SHROOM3: variants seen among roughly 807,000 people sequenced by gnomAD.
The protein encoded by SHROOM3 is shroom family member 3, also known as protein Shroom3.
SHROOM3 carries 47 observed loss-of-function variants against 138.6 expected under a neutral mutation model. That is an observed-to-expected ratio of 0.34 (90% CI 0.27 to 0.43). SHROOM3 has a LOEUF of 0.43. Among genes scored for constraint, SHROOM3 ranks in the 20% least tolerant of loss-of-function variants. The pLI is 1.00. For synonymous variants in SHROOM3, 1,062 were observed against 1,063.3 expected, an observed-to-expected ratio of 1.00 and a Z score of 0.02; for missense variants, 2,491 against 2,596.5, an observed-to-expected ratio of 0.96 and a Z score of 0.88.
At chr4:76,463,414 A>G (rs1270798864) in intron 1 of SHROOM3, among the ~76,000 whole-genome samples, 2 of 152,250 alleles carry the variant, frequency 1.3e-5, no homozygotes, top group African/African-American at 4.8e-5. Flanking sequence ...ATGGTCTGAA[A>G]TTAGAACTTA....
At chr4:76,576,470 CAG>C (rs1157610964) in intron 2 of SHROOM3, among the ~76,000 whole-genome samples, 2 of 151,968 alleles carry the variant, frequency 1.3e-5, no homozygotes, top group Admixed American at 6.6e-5. Flanking sequence ...CTCATGGACA[CAG>C]AGAGTAGAAG....
intron 4 of SHROOM3, among the ~76,000 whole-genome samples, chr4:76,734,333 G>A (rs1362835374): frequency 6.6e-6 from 1 of 152,072 alleles, no homozygotes; most frequent in African/African-American, 2.4e-5. Flanking sequence ...AATGGTTTGG[G>A]AGAACAATAG....
At chr4:76,746,638 AT>A (rs1377775278) in intron 5 of SHROOM3, among the ~76,000 whole-genome samples, 1 of 152,092 alleles carries the variant, frequency 6.6e-6, no homozygotes, top group East Asian at 1.9e-4. Context: ...TTTCATAAGG[AT>A]TTCTAGTTAT....
intron 2 of SHROOM3, among the ~76,000 whole-genome samples, chr4:76,696,542 G>A (rs1391267748): frequency 6.6e-6 from 1 of 152,178 alleles, no homozygotes; most frequent in Non-Finnish European, 1.5e-5. Flanking sequence ...AGTGGGAGGG[G>A]ACATGGTGGG....
rs971483667 is a variant in SHROOM3, at chr4:76,754,865, A to G, written c.4382A>G (p.Gln1461Arg). The G allele has an allele frequency of 9.3e-6, 15 of 1,614,050 alleles. No individual in the cohort carries two copies. In the African/African-American group the frequency reaches 1.6e-4, roughly 17 times the overall value. Residue 1461 changes from glutamine to arginine, a missense_variant, in exon 7 of 11, where the codon CAG (glutamine) becomes CGG (arginine). Physicochemically the swap from Gln to Arg is conservative, Grantham distance 43. Around this residue, in one of 4 missense-constraint regions of SHROOM3, gnomAD observed 1,733 missense variants for 1,661.6 expected, o/e 1.04. Transcript: ENST00000296043. Reference protein sequence around the residue: ...FANLKHYQKQQSLPSLCSTSD... With the variant: ...FANLKHYQKQRSLPSLCSTSD... ...AACCTGAAGCACTATCAAAAACAGC[A>G]GAGTCTTCCAAGTTTATGCAGCACT...
At chr4:76,667,963 T>C in intron 2 of SHROOM3, among the ~76,000 whole-genome samples, 1 of 27,292 alleles carries the variant, frequency 3.7e-5, no homozygotes, top group Non-Finnish European at 5.5e-5. Flanking sequence ...GGAGACTCCC[T>C]CTCAAAAAAA....
rs761152108 is a variant in SHROOM3, at chr4:76,730,840, C to T, written c.492C>T (p.His164=). The change falls in exon 4 of 11, where the codon CAC becomes CAT. Residue 164 remains histidine (H), a synonymous_variant. Coordinates refer to ENST00000296043, the MANE Select transcript of SHROOM3 (RefSeq NM_020859.4). ...SEPAGRPHSW[H]TTKSGEKQPD... ...CTGCAGGCCGACCTCACTCGTGGCA[C>T]ACAACTAAATCTGGGGAGAAGCAAC... 4.4e-5 allele frequency: 71 copies of T among 1,613,976 alleles called. 2 individuals carry two copies. Among genetic ancestry groups the T allele is most frequent in the Non-Finnish European group, 4.7e-5 (55 of 1,180,022 alleles).
At chr4:76,772,103 CTT>C (rs35590411) in intron 10 of SHROOM3, among the ~76,000 whole-genome samples, 19,066 of 124,914 alleles carry the variant, frequency 0.15, 930 homozygotes, top group African/African-American at 0.24. Flanking sequence ...TTTTCTTTTT[CTT>C]TTTTTTTTTT....
intron 2 of SHROOM3, among the ~76,000 whole-genome samples, chr4:76,626,984 A>T (rs1430038272): frequency 6.6e-6 from 1 of 152,176 alleles, no homozygotes; most frequent in Non-Finnish European, 1.5e-5. Flanking sequence ...GAACTTTAGG[A>T]TTTTAATCCA....
At chr4:76,464,908 C>G (rs946821914) in intron 1 of SHROOM3, among the ~76,000 whole-genome samples, 1 of 152,146 alleles carries the variant, frequency 6.6e-6, no homozygotes, top group African/African-American at 2.4e-5. Context: ...TCAATTAAAC[C>G]TCTTCATAAA....
chr4:76,706,412 C>T (rs72663213), intron 2 of SHROOM3, among the ~76,000 whole-genome samples: 1 of 151,826 alleles, frequency 6.6e-6, no homozygotes, highest in Non-Finnish European at 1.5e-5. Flanking sequence ...TGTGCCTGGC[C>T]GAAAAGAATG....
At chr4:76,547,265 G>T (rs1733241281) in intron 1 of SHROOM3, among the ~76,000 whole-genome samples, 1 of 152,162 alleles carries the variant, frequency 6.6e-6, no homozygotes, top group Admixed American at 6.5e-5. Flanking sequence ...GAGAATGTGG[G>T]CTCTGAGGTT....
intron 3 of SHROOM3, among the ~76,000 whole-genome samples, chr4:76,721,999 G>A (rs924875541): frequency 5.9e-5 from 9 of 152,116 alleles, no homozygotes; most frequent in African/African-American, 2.2e-4. Context: ...GCAAGGCATA[G>A]GGGTACGTGC....
At chr4:76,679,280 T>C (rs1039363481) in intron 2 of SHROOM3, among the ~76,000 whole-genome samples, 1 of 152,168 alleles carries the variant, frequency 6.6e-6, no homozygotes, top group Non-Finnish European at 1.5e-5. Context: ...CCCACTGCCC[T>C]CCAGGCACGC....
chr4:76,639,271 G>C (rs961011767), intron 2 of SHROOM3, among the ~76,000 whole-genome samples: 1 of 152,130 alleles, frequency 6.6e-6, no homozygotes, highest in African/African-American at 2.4e-5. Context: ...AGCCTCTGAA[G>C]AGCCTCTGGA....
At chr4:76,721,182 G>A (rs1336844189) in intron 3 of SHROOM3, among the ~76,000 whole-genome samples, 1 of 150,690 alleles carries the variant, frequency 6.6e-6, no homozygotes, top group Admixed American at 6.6e-5. Flanking sequence ...GTAGTGGCGG[G>A]CGCCTGTAGT....
At chr4:76,580,278 T>C (rs183648983) in intron 2 of SHROOM3, among the ~76,000 whole-genome samples, 1 of 152,204 alleles carries the variant, frequency 6.6e-6, no homozygotes, top group Non-Finnish European at 1.5e-5. Flanking sequence ...TTCTGCTACC[T>C]GGAAAAATAC....
intron 4 of SHROOM3, among the ~76,000 whole-genome samples, chr4:76,734,512 A>AC (rs1269395465): frequency 1.4e-5 from 2 of 143,022 alleles, no homozygotes; most frequent in African/African-American, 5.4e-5. Context: ...TTTTAAAAAT[A>AC]CTTTTTTTTT....
Position 76,739,291 on chromosome 4 carries a change from C to A in SHROOM3, c.1118C>A (p.Thr373Lys). Reference protein sequence around the residue: ...QQCPSSLETATDNLPPKVGAP... With the variant: ...QQCPSSLETAKDNLPPKVGAP... The stretch of plus-strand genomic sequence containing the variant: ...TGCCCCAGTTCCTTGGAGACTGCCA[C>A]GGACAACCTTCCTCCTAAGGTGGGT... Residue 373 changes from threonine to lysine, a missense_variant, in exon 5 of 11, where the codon ACG (threonine) becomes AAG (lysine). By Grantham distance (78) the Thr-to-Lys change is moderately conservative. This residue lies in a region of SHROOM3 where 1,733 missense variants were observed against 1,661.6 expected (regional missense o/e 1.04). Transcript: ENST00000296043. 1 of 1,613,990 alleles carries A rather than the reference C, an allele frequency of 6.2e-7. No homozygotes were observed. Among genetic ancestry groups the A allele is most frequent in the Middle Eastern group, 1.7e-4 (1 of 6,060 alleles).
Sources: gnomAD v4.1 joint callset for allele counts (sites outside exome capture counted in the v4.1 genomes callset) on GRCh38, gnomAD v4.1.1 for gene constraint, gnomAD v4.1.1 regional missense constraint, MANE v1.5 for transcripts, NCBI Gene and HGNC (gene_info 2026-07-23, HGNC 2026-07-21) for gene names.